Variants in GPM6A observed in about 807,000 individuals in gnomAD.
GPM6A encodes the protein glycoprotein M6A, also known as neuronal membrane glycoprotein M6-a.
In GPM6A, 7 loss-of-function variants were observed where a neutral mutation model predicts 32.1. That is an observed-to-expected ratio of 0.22 (90% CI 0.12 to 0.41). GPM6A has a LOEUF of 0.41. GPM6A is among the 10% of genes least tolerant of loss of function. The probability of loss-of-function intolerance (pLI) is 1.00; values close to 1 mark genes in which losing one functional copy is unlikely to be tolerated. For missense variants in GPM6A, 235 were observed against 347.2 expected, an observed-to-expected ratio of 0.68 and a Z score of 2.57; for synonymous variants, 130 against 123.4, an observed-to-expected ratio of 1.05 and a Z score of -0.35.
At chr4:175,767,516 C>G (rs1733021287) in intron 1 of GPM6A, among the ~76,000 whole-genome samples, 2 of 152,138 alleles carry the variant, frequency 1.3e-5, no homozygotes, top group African/African-American at 4.8e-5. Flanking sequence ...GTGTTTTAAC[C>G]AGAAATCCAG....
chr4:175,883,222 GCTT>G (rs1737338174), intron 1 of GPM6A, among the ~76,000 whole-genome samples: 1 of 151,968 alleles, frequency 6.6e-6, no homozygotes, highest in African/African-American at 2.4e-5. Flanking sequence ...GTTTGAGATT[GCTT>G]CTTCTGAAAA....
intron 1 of GPM6A, among the ~76,000 whole-genome samples, chr4:175,717,338 C>G (rs1282950160): frequency 1.3e-5 from 2 of 152,184 alleles, no homozygotes; most frequent in East Asian, 1.9e-4. Context: ...CAATATTTAA[C>G]AATGACTAGT....
chr4:175,928,154 T>A (rs184576795), intron 1 of GPM6A, among the ~76,000 whole-genome samples: 1 of 152,306 alleles, frequency 6.6e-6, no homozygotes, highest in African/African-American at 2.4e-5. Flanking sequence ...AAAATAAGTG[T>A]CCGGAAGTGA....
In GPM6A at chr4:175,745,391, C is replaced by T. The variant is rs75416720; in HGVS notation, c.38-43624G>A. ...TTGGCTGCAGCTGCCATTGTACTTA[C>T]TTTGCATGTTTAATTTGCAAATTAG... On this transcript the variant is annotated intron_variant, in intron 1 of 6. Coordinates refer to ENST00000393658, the MANE Select transcript of GPM6A (RefSeq NM_201591.3). 2.0e-3 allele frequency among the ~76,000 whole-genome samples: 303 copies of T among 152,286 alleles called. 1 individual carries two copies. The highest frequency in any genetic ancestry group is 4.2e-3 in the African/African-American group (175 of 41,572).
chr4:175,638,052 A>G (rs1740916232), intron 6 of GPM6A, among the ~76,000 whole-genome samples: 2 of 149,238 alleles, frequency 1.3e-5, no homozygotes, highest in Admixed American at 6.9e-5. Flanking sequence ...AACAGTGATT[A>G]CTGAAATCTG....
At chr4:175,962,350 C>T in intron 1 of GPM6A, 5 of 797,192 alleles carry the variant, frequency 6.3e-6, no homozygotes, top group Admixed American at 5.2e-5. Flanking sequence ...CTTCTTAAGA[C>T]TCCTTCATCT....
chr4:175,867,846 G>A (rs1038922349), intron 1 of GPM6A, among the ~76,000 whole-genome samples: 7 of 152,186 alleles, frequency 4.6e-5, no homozygotes, highest in Non-Finnish European at 8.8e-5. Flanking sequence ...AGATCAGTTA[G>A]GTTCTGATCA....
At position 175,937,064 on chromosome 4, in the gene GPM6A, G is replaced by A. The variant is rs555023090; in HGVS notation, c.-23+65245C>T. 1.4e-4 allele frequency among the ~76,000 whole-genome samples: 22 copies of A among 152,136 alleles called. No homozygotes were observed. The East Asian group carries it at 4.0e-3, about 28-fold the overall frequency. Reference sequence around the variant, plus strand: ...TTGATGTTTTCCAGCACTTTCAAGGGTACAGACAACAGAAACCACTATTTC... The same window carrying A: ...TTGATGTTTTCCAGCACTTTCAAGGATACAGACAACAGAAACCACTATTTC... On this transcript the variant is annotated intron_variant, in intron 1 of 7. Transcript: ENST00000280187.
rs549602954 is a variant in GPM6A, at chr4:175,706,226, A to T, written c.38-4459T>A. On this transcript the variant is annotated intron_variant, in intron 1 of 6. Coordinates refer to ENST00000393658, the MANE Select transcript of GPM6A (RefSeq NM_201591.3). ...AGAAAAAGAAAATAGAAGAAATAGA[A>T]AAAGAAAATAGAAGCTGTGAAGATA... is the stretch of plus-strand genomic sequence containing the variant. 1.3e-3 allele frequency among the ~76,000 whole-genome samples: 203 copies of T among 152,142 alleles called. 3 individuals are homozygous for T. Among genetic ancestry groups the T allele is most frequent in the African/African-American group, 4.7e-3 (196 of 41,426 alleles).
chr4:175,867,508 T>A (rs1424658312), intron 1 of GPM6A, among the ~76,000 whole-genome samples: 1 of 152,040 alleles, frequency 6.6e-6, no homozygotes, highest in Non-Finnish European at 1.5e-5. Flanking sequence ...AAAAAAAAAA[T>A]CTTTGCTCCA....
chr4:175,844,624 T>A (rs1433789630), intron 1 of GPM6A, among the ~76,000 whole-genome samples: 1 of 152,182 alleles, frequency 6.6e-6, no homozygotes, highest in African/African-American at 2.4e-5. Context: ...TAAAATCCAA[T>A]ATTATTAGAG....
chr4:175,742,274 T>G (rs942410094), intron 1 of GPM6A, among the ~76,000 whole-genome samples: 1 of 152,124 alleles, frequency 6.6e-6, no homozygotes, highest in Non-Finnish European at 1.5e-5. Flanking sequence ...GGTGGGTTGT[T>G]CTAGAGAATT....
chr4:175,971,742 T>A (rs1740508520), intron 1 of GPM6A: 2 of 152,226 alleles, frequency 1.3e-5, no homozygotes, highest in African/African-American at 4.8e-5. Flanking sequence ...TGAAATAAAG[T>A]GTTTCATATT....
intron 1 of GPM6A, among the ~76,000 whole-genome samples, chr4:175,825,595 G>A (rs1735409411): frequency 6.6e-6 from 1 of 152,128 alleles, no homozygotes; most frequent in African/African-American, 2.4e-5. Flanking sequence ...GTGTTTTAGA[G>A]GCTCTGTTAG....
At chr4:175,645,447 G>T (rs1741401656) in intron 4 of GPM6A, among the ~76,000 whole-genome samples, 1 of 152,026 alleles carries the variant, frequency 6.6e-6, no homozygotes. Flanking sequence ...TAGGCCGGGT[G>T]GGGTGGCTCA....
chr4:175,880,978 C>A (rs1390071293), intron 1 of GPM6A, among the ~76,000 whole-genome samples: 1 of 152,008 alleles, frequency 6.6e-6, no homozygotes, highest in African/African-American at 2.4e-5. Flanking sequence ...GCAACGAAAG[C>A]CAAAACTGAC....
intron 1 of GPM6A, among the ~76,000 whole-genome samples, chr4:175,851,649 A>G (rs1040805777): frequency 3.3e-5 from 5 of 152,162 alleles, no homozygotes; most frequent in Non-Finnish European, 2.9e-5. Context: ...TAAGGAGGAG[A>G]AAGCCTGTCA....
intron 1 of GPM6A, among the ~76,000 whole-genome samples, chr4:175,738,234 G>C (rs1731743476): frequency 2.0e-5 from 3 of 152,000 alleles, no homozygotes; most frequent in African/African-American, 7.2e-5. Context: ...TACCGCGTCT[G>C]GCTGGTCCCA....
chr4:175,865,127 GT>G lies in GPM6A; in HGVS notation c.-22-52879del, dbSNP rs1312353519. Among the ~76,000 whole-genome samples the G allele has an allele frequency of 9.9e-5, 15 of 152,002 alleles. No homozygotes were observed. The South Asian group carries it at 2.3e-3, about 23-fold the overall frequency. On this transcript the variant is annotated intron_variant, in intron 1 of 7. Coordinates refer to the GPM6A transcript ENST00000280187. Reference sequence around the variant, plus strand: ...TGCCTGGTCTCATTTTTTTTATATAGTATGAGGTAATAATGAAAGAGTACTT... The same window carrying G: ...TGCCTGGTCTCATTTTTTTTATATAGATGAGGTAATAATGAAAGAGTACTT...
Sources: gnomAD v4.1 joint callset for allele counts (sites outside exome capture counted in the v4.1 genomes callset) on GRCh38, gnomAD v4.1.1 for gene constraint, MANE v1.5 for transcripts, NCBI Gene and HGNC (gene_info 2026-07-23, HGNC 2026-07-21) for gene names.